UBR3: variants seen among roughly 807,000 people sequenced by gnomAD.
The protein encoded by UBR3 is ubiquitin protein ligase E3 component n-recognin 3, also known as E3 ubiquitin-protein ligase UBR3.
A neutral mutation model predicts 243.2 loss-of-function variants in UBR3; 85 were observed. That is an observed-to-expected ratio of 0.35 (90% CI 0.29 to 0.42). The LOEUF (loss-of-function observed/expected upper bound fraction) is 0.42, where lower values mean the gene tolerates loss of function less well. Ranked by LOEUF, UBR3 falls within the 10% of genes least tolerant of loss-of-function variation. The pLI is 1.00. For synonymous variants in UBR3, 748 were observed against 799.8 expected, an observed-to-expected ratio of 0.94 and a Z score of 1.09; for missense variants, 1,686 against 2,300.8, an observed-to-expected ratio of 0.73 and a Z score of 5.47.
chr2:169,916,863 CT>C (rs1278945522), intron 11 of UBR3, among the ~76,000 whole-genome samples: 3 of 152,008 alleles, frequency 2.0e-5, no homozygotes, highest in Non-Finnish European at 1.5e-5. Flanking sequence ...GCCACACCCC[CT>C]ATGCCTGAGC....
At chr2:170,061,709 C>T (rs936636614) in intron 35 of UBR3, among the ~76,000 whole-genome samples, 3 of 152,188 alleles carry the variant, frequency 2.0e-5, no homozygotes, top group African/African-American at 7.2e-5. Flanking sequence ...CTCAGGTGAT[C>T]TACCTGCCTC....
At chr2:169,856,850 G>A (rs2082890156) in intron 1 of UBR3, among the ~76,000 whole-genome samples, 1 of 149,964 alleles carries the variant, frequency 6.7e-6, no homozygotes, top group Admixed American at 6.7e-5. Flanking sequence ...GGAGGGGGAG[G>A]GGGAGCTATC....
intron 24 of UBR3, among the ~76,000 whole-genome samples, chr2:169,959,375 C>A (rs147735198): frequency 8.8e-5 from 13 of 147,686 alleles, no homozygotes; most frequent in African/African-American, 2.7e-4. Context: ...ATCTGAAAAT[C>A]TGAAATCTAA....
At chr2:169,933,103 G>A (rs1266071571) in intron 19 of UBR3, 95 bp downstream of exon 19, 4 of 778,738 alleles carry the variant, frequency 5.1e-6, no homozygotes, top group African/African-American at 3.7e-5. Context: ...TCTCATTAAA[G>A]TATACTTTCA....
At chr2:170,060,688 G>T (rs2091439751) in intron 33 of UBR3, among the ~76,000 whole-genome samples, 1 of 151,984 alleles carries the variant, frequency 6.6e-6, no homozygotes, top group African/African-American at 2.4e-5. Context: ...CCTCAGTCTT[G>T]CTGGTCATTT....
At chr2:169,982,261 A>G (rs2088771340) in intron 24 of UBR3, among the ~76,000 whole-genome samples, 1 of 152,078 alleles carries the variant, frequency 6.6e-6, no homozygotes, top group South Asian at 2.1e-4. Context: ...TCATCCCTAT[A>G]TCATTTCCCC....
intron 32 of UBR3, among the ~76,000 whole-genome samples, chr2:170,043,263 TAGTTA>T (rs1192613721): frequency 6.6e-6 from 1 of 152,162 alleles, no homozygotes; most frequent in East Asian, 1.9e-4. Flanking sequence ...AAAAATATTT[TAGTTA>T]AGAGTAAAGG....
chr2:169,999,621 C>T (rs1349533463), intron 26 of UBR3, among the ~76,000 whole-genome samples: 1 of 152,110 alleles, frequency 6.6e-6, no homozygotes, highest in Non-Finnish European at 1.5e-5. Context: ...TGCTCTGGCC[C>T]ACCCATCTAT....
At chr2:169,907,139 C>T (rs1228967082) in intron 10 of UBR3, among the ~76,000 whole-genome samples, 2 of 149,350 alleles carry the variant, frequency 1.3e-5, no homozygotes, top group Non-Finnish European at 3.0e-5. Flanking sequence ...CAGGTTTAAG[C>T]AATTCTCCTG....
At chr2:169,975,373 C>T (rs774576597) in intron 24 of UBR3, among the ~76,000 whole-genome samples, 1 of 152,064 alleles carries the variant, frequency 6.6e-6, no homozygotes, top group African/African-American at 2.4e-5. Flanking sequence ...TTTGGCCTAA[C>T]GTGATCTATC....
intron 1 of UBR3, among the ~76,000 whole-genome samples, chr2:169,866,131 A>ACAGAGC (rs1387639902): frequency 7.6e-6 from 1 of 132,026 alleles, no homozygotes; most frequent in East Asian, 2.5e-4. Context: ...AGCCTGGGCA[A>ACAGAGC]CAGAGCGAGA....
chr2:170,052,771 G>A (rs1202745914), intron 32 of UBR3, among the ~76,000 whole-genome samples: 3 of 152,132 alleles, frequency 2.0e-5, no homozygotes, highest in Non-Finnish European at 4.4e-5. Context: ...TATACAACAT[G>A]ATGACTATAG....
At chr2:169,900,939 T>G (rs2105330787) in intron 8 of UBR3, among the ~76,000 whole-genome samples, 1 of 152,312 alleles carries the variant, frequency 6.6e-6, no homozygotes, top group South Asian at 2.1e-4. Flanking sequence ...ATACAATTTC[T>G]TTTACACTCA....
intron 1 of UBR3, among the ~76,000 whole-genome samples, chr2:169,860,169 T>G (rs574639993): frequency 1.3e-4 from 20 of 152,348 alleles, no homozygotes; most frequent in African/African-American, 3.8e-4. Flanking sequence ...CTATGTCTGT[T>G]AATTTTCTGC....
intron 1 of UBR3, among the ~76,000 whole-genome samples, chr2:169,859,238 A>G: frequency 6.6e-6 from 1 of 151,626 alleles, no homozygotes; most frequent in Middle Eastern, 3.2e-3. Context: ...TGCCTGGCTA[A>G]TTTTTTGTGT....
chr2:169,841,347 TAGTG>T (rs1412983813), intron 1 of UBR3, among the ~76,000 whole-genome samples: 1 of 152,060 alleles, frequency 6.6e-6, no homozygotes, highest in East Asian at 1.9e-4. Flanking sequence ...CACAAGGTGG[TAGTG>T]AGAGGTGACA....
chr2:170,070,090 A>T (rs2105454059), intron 35 of UBR3, among the ~76,000 whole-genome samples: 1 of 152,268 alleles, frequency 6.6e-6, no homozygotes, highest in East Asian at 1.9e-4. Flanking sequence ...TCACTCATCC[A>T]TCAATGGACA....
At chr2:169,864,526 G>A (rs1254134821) in intron 1 of UBR3, among the ~76,000 whole-genome samples, 1 of 152,068 alleles carries the variant, frequency 6.6e-6, no homozygotes, top group Non-Finnish European at 1.5e-5. Context: ...CACTTTGGGA[G>A]GCCGATGCAG....
At chr2:169,877,764 A>G in intron 4 of UBR3, 127 bp downstream of exon 4, 1 of 924,926 alleles carries the variant, frequency 1.1e-6, no homozygotes. Flanking sequence ...TTTTTAAGAA[A>G]AGTAATAAAA....
Sources: allele counts gnomAD v4.1 joint callset (sites outside exome capture counted in the v4.1 genomes callset), GRCh38; gene constraint gnomAD v4.1.1; transcripts MANE v1.5; gene names NCBI Gene and HGNC (gene_info 2026-07-23, HGNC 2026-07-21).